Variants in ZNF33B observed in about 807,000 individuals in gnomAD.
ZNF33B encodes the protein zinc finger protein 11b (KOX 2).
A neutral mutation model predicts 45.8 loss-of-function variants in ZNF33B; 29 were observed. That is an observed-to-expected ratio of 0.63 (90% confidence interval 0.47 to 0.86). The LOEUF is 0.86. Among genes scored for constraint, ZNF33B ranks in the 40% least tolerant of loss-of-function variants. The pLI, the probability that ZNF33B is intolerant of heterozygous loss-of-function variation, is 0.00. For synonymous variants in ZNF33B, 305 were observed against 307.8 expected (o/e 0.99, Z 0.10); for missense variants, 831 against 909.9 (o/e 0.91, Z 1.12).
intron 4 of ZNF33B, among the ~76,000 whole-genome samples, chr10:42,606,033 G>T (rs2132078487): frequency 6.6e-6 from 1 of 152,106 alleles, no homozygotes; most frequent in East Asian, 1.9e-4. Flanking sequence ...AGGAGGTTGA[G>T]GCTGCAATGA....
At position 42,590,763 on chromosome 10, in the gene ZNF33B, T is replaced by G. The variant is rs1244853507; in HGVS notation, c.*1850A>C. On this transcript the variant is annotated 3_prime_UTR_variant, in exon 5 of 5. Transcript: ENST00000359467. ...TCTAATCCTTTTGGTGACCATAGGA[T>G]CAGCTATGATGGCCTCTTTCACTTT... 2.0e-5 allele frequency: 3 copies of G among 152,188 alleles called. No individual in the cohort carries two copies. The highest frequency in any genetic ancestry group is 6.5e-5 in the Admixed American group (1 of 15,274). The allele number at this position is 152,188 out of a possible 1,614,324, so 9.4% of individuals were successfully genotyped here.
intron 1 of ZNF33B, among the ~76,000 whole-genome samples, chr10:42,578,021 G>A (rs970269810): frequency 2.6e-5 from 4 of 152,150 alleles, no homozygotes; most frequent in Admixed American, 2.6e-4. Flanking sequence ...TCTAGTCACA[G>A]AGAGGATAGC....
At chr10:42,583,271 CCA>C (rs1836860583) in intron 1 of ZNF33B, 2 of 544,848 alleles carry the variant, frequency 3.7e-6, no homozygotes, top group Non-Finnish European at 6.9e-6. Flanking sequence ...CATCACTAAA[CCA>C]CAGACAGGTG....
At chr10:42,598,445 C>T (rs1837488174) in intron 4 of ZNF33B, among the ~76,000 whole-genome samples, 1 of 152,230 alleles carries the variant, frequency 6.6e-6, no homozygotes, top group Admixed American at 6.5e-5. Flanking sequence ...TTCCAGAACA[C>T]TCCCAGGCCA....
downstream of ZNF33B, among the ~76,000 whole-genome samples, chr10:42,588,829 G>C (rs2132023211): frequency 6.6e-6 from 1 of 152,250 alleles, no homozygotes; most frequent in South Asian, 2.1e-4. Flanking sequence ...ACTGTGCCTG[G>C]CCCCCCTGAC....
In ZNF33B at chr10:42,638,463, C is replaced by T. The variant is rs956693273; in HGVS notation, c.-45+11G>A. ...CCCCTCTCCGTCCCTGCCCAACCCG[C>T]GGAGGCTTACCTCACTCTCTCTTCG... On this transcript the variant is annotated intron_variant, in intron 1 of 4. Transcript: ENST00000359467. The T allele has an allele frequency of 3.8e-5, 15 of 398,556 alleles. No individual in the cohort carries two copies. The highest frequency in any genetic ancestry group is 2.9e-4 in the African/African-American group (14 of 47,642). The allele number at this position is 398,556 out of a possible 1,614,324, so 24.7% of individuals were successfully genotyped here. A position where few individuals can be genotyped will look rare whatever the true frequency, so the allele number is the denominator to read the frequency against.
rs775680363 is a variant in ZNF33B, at chr10:42,636,966, G to A, written c.-38C>T. 22 of 1,613,854 alleles carry A rather than the reference G, an allele frequency of 1.4e-5. 1 individual carries two copies. The Admixed American group carries it at 3.0e-4, about 22-fold the overall frequency. On this transcript the variant is annotated 5_prime_UTR_variant, in exon 2 of 5. Coordinates refer to ENST00000359467, the MANE Select transcript of ZNF33B (RefSeq NM_006955.3). ...TTGGAAAGACGGAGACAACTCTGAA[G>A]ATACAGCTGAGTTGGAAAAAGAGGA... is the stretch of plus-strand genomic sequence containing the variant.
At chr10:42,631,778 A>G (rs1311138759) in intron 4 of ZNF33B, 151 bp downstream of exon 4, 4 of 672,504 alleles carry the variant, frequency 5.9e-6, no homozygotes, top group Non-Finnish European at 1.0e-5. Context: ...TGGAGGTTTG[A>G]TTTAGCAATC....
chr10:42,584,829 T>A (rs1452471853), downstream of ZNF33B, among the ~76,000 whole-genome samples: 1 of 152,122 alleles, frequency 6.6e-6, no homozygotes, highest in East Asian at 1.9e-4. Flanking sequence ...CCTCACCTCA[T>A]CCCTTTTAGA....
chr10:42,581,770 T>A (rs971516925), intron 1 of ZNF33B: 2 of 152,168 alleles, frequency 1.3e-5, no homozygotes, highest in Non-Finnish European at 2.9e-5. Context: ...TAGGATAGAA[T>A]CCTTATTGTG....
Position 42,632,390 on chromosome 10 carries a change from C to A in ZNF33B, c.59G>T (p.Gly20Val). The A allele has an allele frequency of 6.2e-7, 1 of 1,613,910 alleles. No homozygotes were observed. Among genetic ancestry groups the A allele is most frequent in the Non-Finnish European group, 8.5e-7 (1 of 1,179,974 alleles). The change falls in exon 3 of 5, where the codon GGC becomes GTC. Residue 20 changes from glycine to valine, a missense_variant. By Grantham distance (109) the Gly-to-Val change is moderately radical. Coordinates refer to ENST00000359467, the MANE Select transcript of ZNF33B (RefSeq NM_006955.3). The stretch of plus-strand genomic sequence containing the variant: ...GTGCTGCCACTCCTCCTGGGTGAAG[C>A]CCACAGTCACATCTTTAAATGATAC... ...GSVSFKDVTVGFTQEEWQHLD... is the reference protein window; with the variant it reads ...GSVSFKDVTVVFTQEEWQHLD...
intron 4 of ZNF33B, among the ~76,000 whole-genome samples, chr10:42,624,620 C>T (rs1178016022): frequency 6.6e-6 from 1 of 152,148 alleles, no homozygotes; most frequent in Non-Finnish European, 1.5e-5. Flanking sequence ...TAACAATATG[C>T]TGGCATCGCT....
At chr10:42,630,519 T>C (rs1424676332) in intron 4 of ZNF33B, among the ~76,000 whole-genome samples, 3 of 152,240 alleles carry the variant, frequency 2.0e-5, no homozygotes, top group African/African-American at 4.8e-5. Context: ...GGACCAGCCA[T>C]TACTTCTTCA....
chr10:42,636,820 T>A, intron 2 of ZNF33B, 100 bp downstream of exon 2: 3 of 1,542,636 alleles, frequency 1.9e-6, no homozygotes, highest in Non-Finnish European at 2.7e-6. Flanking sequence ...AGAGCGAGAC[T>A]CCATGTCACA....
chr10:42,624,535 A>G (rs2132137697), intron 4 of ZNF33B, among the ~76,000 whole-genome samples: 1 of 152,338 alleles, frequency 6.6e-6, no homozygotes, highest in East Asian at 1.9e-4. Context: ...TCCTAAATAT[A>G]CAAACCTAAG....
chr10:42,576,341 G>A (rs1321575331), intron 1 of ZNF33B, among the ~76,000 whole-genome samples: 22 of 152,202 alleles, frequency 1.4e-4, no homozygotes, highest in Middle Eastern at 3.4e-3. Flanking sequence ...TAGCTAATTC[G>A]AATTGCTTAT....
chr10:42,580,756 TAAAAACAC>T (rs1836811408), intron 1 of ZNF33B, among the ~76,000 whole-genome samples: 2 of 151,110 alleles, frequency 1.3e-5, no homozygotes, highest in African/African-American at 4.9e-5. Context: ...CCGTCTCTAC[TAAAAACAC>T]AAAAATTACC....
rs1442641401 is a variant in ZNF33B, at chr10:42,632,038, A to G, written c.155-14T>C. ...GAGCACAATACCCTGTTAACAGGAA[A>G]TAATTTAGGATTTGGACCAAGCAGT... is the stretch of plus-strand genomic sequence containing the variant. On this transcript the variant is annotated splice_polypyrimidine_tract_variant and intron_variant, in intron 3 of 4. Transcript: ENST00000359467. 3.1e-6 allele frequency: 5 copies of G among 1,613,150 alleles called. No homozygotes were observed. The highest frequency in any genetic ancestry group is 1.7e-5 in the Admixed American group (1 of 60,020).
chr10:42,583,475 A>C (rs1836864015), intron 1 of ZNF33B: 1 of 259,052 alleles, frequency 3.9e-6, no homozygotes, highest in Admixed American at 4.7e-5. Context: ...TGGTATCTTC[A>C]AAGAAGTTGA....
Sources: gnomAD v4.1 joint callset for allele counts (sites outside exome capture counted in the v4.1 genomes callset) on GRCh38, gnomAD v4.1.1 for gene constraint, MANE v1.5 for transcripts, NCBI Gene and HGNC (gene_info 2026-07-23, HGNC 2026-07-21) for gene names.